Variants in ADCK1 observed in about 807,000 individuals in gnomAD.
ADCK1 encodes the protein aarF domain containing kinase 1.
A neutral mutation model predicts 52.3 loss-of-function variants in ADCK1; 41 were observed. The observed-to-expected ratio is 0.78, with a 90% CI of 0.61 to 1.02. The LOEUF is 1.02. ADCK1 is among the 50% of genes least tolerant of loss of function. The pLI, the probability that ADCK1 is intolerant of heterozygous loss-of-function variation, is 0.00. For missense variants in ADCK1, 658 were observed against 679.5 expected, an observed-to-expected ratio of 0.97 and a Z score of 0.35; for synonymous variants, 250 against 274.6, an observed-to-expected ratio of 0.91 and a Z score of 0.89.
chr14:77,830,659 GGACAGTGGGTA>G (rs1260083017), intron 3 of ADCK1, among the ~76,000 whole-genome samples: 5 of 142,010 alleles, frequency 3.5e-5, no homozygotes, highest in Admixed American at 1.4e-4. Context: ...CTTCTGTGTT[GGACAGTGGGTA>G]GAAGTGTGTG....
chr14:77,887,951 CTTAGT>C (rs759332683), intron 5 of ADCK1, among the ~76,000 whole-genome samples: 40 of 152,236 alleles, frequency 2.6e-4, no homozygotes, highest in African/African-American at 8.7e-4. Flanking sequence ...ACTCTGGACT[CTTAGT>C]TTATTCTTTC....
intron 4 of ADCK1, among the ~76,000 whole-genome samples, chr14:77,878,510 C>A (rs573010727): frequency 2.6e-5 from 4 of 152,214 alleles, no homozygotes; most frequent in Non-Finnish European, 5.9e-5. Flanking sequence ...GCTTGCAGTG[C>A]TGGGTGCAGG....
chr14:77,898,999 A>T (rs2083471113), intron 5 of ADCK1, 101 bp from the exon 6 acceptor site: 19 of 1,485,140 alleles, frequency 1.3e-5, no homozygotes, highest in Middle Eastern at 2.5e-4. Flanking sequence ...GCCCCAGGGG[A>T]GCAGTTTCCC....
rs1450000693 is a variant in ADCK1, at chr14:77,931,575, A to C, written c.1264A>C (p.Asn422His). 1 of 1,614,044 alleles carries C rather than the reference A, an allele frequency of 6.2e-7. No homozygotes were observed. Among genetic ancestry groups the C allele is most frequent in the South Asian group, 1.1e-5 (1 of 91,082 alleles). Residue 422 changes from asparagine (N) to histidine (H), a missense_variant, in exon 10 of 11, where the codon AAC becomes CAC. By Grantham distance (68) the Asn-to-His change is moderately conservative. Coordinates refer to ENST00000238561, the MANE Select transcript of ADCK1 (RefSeq NM_020421.4). The part of the protein sequence containing the change: ...NYLPQISHLL[N>H]HVPRQMLLIL... Reference sequence around the variant, plus strand: ...CCTCCCCCAGATCAGCCATCTCCTCAACCACGTGCCGCGCCAGATGCTGCT... The same window carrying C: ...CCTCCCCCAGATCAGCCATCTCCTCCACCACGTGCCGCGCCAGATGCTGCT...
intron 1 of ADCK1, among the ~76,000 whole-genome samples, chr14:77,803,509 C>G (rs1346780650): frequency 6.6e-6 from 1 of 152,136 alleles, no homozygotes; most frequent in African/African-American, 2.4e-5. Context: ...CATCAGCTTC[C>G]CATTTGTACG....
Position 77,933,423 on chromosome 14 carries a change from T to A in ADCK1, c.*32T>A. 1 of 1,608,258 alleles carries A rather than the reference T, an allele frequency of 6.2e-7. No homozygotes were observed. Among genetic ancestry groups the A allele is most frequent in the Non-Finnish European group, 8.5e-7 (1 of 1,175,830 alleles). On this transcript the variant is annotated 3_prime_UTR_variant, in exon 11 of 11. Coordinates refer to ENST00000238561, the MANE Select transcript of ADCK1 (RefSeq NM_020421.4). ...TTGCTCTCCCTGCCCCATTCTGGTG[T>A]CTTTCCACTCCTCAGCCCCTCATCT...
At chr14:77,842,237 A>G (rs933435595) in intron 3 of ADCK1, among the ~76,000 whole-genome samples, 1 of 152,126 alleles carries the variant, frequency 6.6e-6, no homozygotes, top group Non-Finnish European at 1.5e-5. Flanking sequence ...ATCTCTAAAA[A>G]CTGATATTTT....
At chr14:77,928,298 G>C (rs1329353627) in intron 9 of ADCK1, among the ~76,000 whole-genome samples, 1 of 152,116 alleles carries the variant, frequency 6.6e-6, no homozygotes, top group African/African-American at 2.4e-5. Flanking sequence ...GATGTCATGG[G>C]CAGCTAAGAC....
In ADCK1 at chr14:77,827,016, A is replaced by G. The variant is rs185901813; in HGVS notation, c.219+4498A>G. On this transcript the variant is annotated intron_variant, in intron 3 of 10. Transcript: ENST00000238561. ...GCTGTTGGCAGCCATCTTTGCCACC[A>G]TGAGGGGAAAGCCTGTCTGTGAATG... Among the ~76,000 whole-genome samples, 386 of 152,264 alleles carry G rather than the reference A, an allele frequency of 2.5e-3. 1 individual carries two copies. Among genetic ancestry groups the G allele is most frequent in the South Asian group, 5.4e-3 (26 of 4,820 alleles).
At chr14:77,854,667 G>A (rs1455049149) in intron 3 of ADCK1, among the ~76,000 whole-genome samples, 1 of 147,994 alleles carries the variant, frequency 6.8e-6, no homozygotes, top group Non-Finnish European at 1.5e-5. Flanking sequence ...AGTGATTCTT[G>A]TGCCTCAGGC....
intron 3 of ADCK1, among the ~76,000 whole-genome samples, chr14:77,837,689 G>A (rs1265739000): frequency 1.3e-5 from 2 of 152,200 alleles, no homozygotes; most frequent in Non-Finnish European, 2.9e-5. Flanking sequence ...ATACAGCATG[G>A]GGTTCTGTGT....
chr14:77,802,689 G>A (rs570795026), intron 1 of ADCK1, among the ~76,000 whole-genome samples: 2 of 152,228 alleles, frequency 1.3e-5, no homozygotes, highest in African/African-American at 2.4e-5. Context: ...GGTGGCTCAC[G>A]CCTGTAATCC....
chr14:77,838,621 C>T (rs2082006642), intron 3 of ADCK1, among the ~76,000 whole-genome samples: 1 of 152,168 alleles, frequency 6.6e-6, no homozygotes. Context: ...TGGTCTCGAA[C>T]TCCTGGGCTC....
At chr14:77,810,907 C>G (rs2081327594) in intron 1 of ADCK1, among the ~76,000 whole-genome samples, 1 of 151,954 alleles carries the variant, frequency 6.6e-6, no homozygotes, top group Non-Finnish European at 1.5e-5. Flanking sequence ...CAGGAAGGGT[C>G]CCTGGATCAC....
chr14:77,856,488 G>A lies in ADCK1; in HGVS notation c.220-2588G>A, dbSNP rs558227355. On this transcript the variant is annotated intron_variant, in intron 3 of 10. Coordinates refer to ENST00000238561, the MANE Select transcript of ADCK1 (RefSeq NM_020421.4). ...TAAGCCCCATTGGAGATATTGCCCA[G>A]TTCTGAAGGGGAGTCCCATGGATTC... Among the ~76,000 whole-genome samples the A allele has an allele frequency of 2.0e-5, 3 of 152,246 alleles. No homozygotes were observed. The South Asian group carries it at 6.2e-4, about 32-fold the overall frequency.
intron 10 of ADCK1, 92 bp downstream of exon 10, chr14:77,931,803 C>T (rs961108696): frequency 9.6e-6 from 13 of 1,358,408 alleles, no homozygotes; most frequent in Non-Finnish European, 1.2e-5. Flanking sequence ...CACCAGTCTA[C>T]AGGGCCCTGC....
At position 77,883,101 on chromosome 14, in the gene ADCK1, G is replaced by A. The variant is rs149340194; in HGVS notation, c.424-3990G>A. On this transcript the variant is annotated intron_variant, in intron 4 of 10. Transcript: ENST00000238561. ...GATTATTTTTCCTTTTCCAGACAGG[G>A]ACATCGATATATTTGAATCACGGGC... Among the ~76,000 whole-genome samples the A allele has an allele frequency of 5.9e-5, 9 of 152,046 alleles. No homozygotes were observed. The East Asian group carries it at 1.7e-3, about 29-fold the overall frequency.
At chr14:77,877,762 G>A (rs1698831443) in intron 4 of ADCK1, among the ~76,000 whole-genome samples, 1 of 152,172 alleles carries the variant, frequency 6.6e-6, no homozygotes, top group African/African-American at 2.4e-5. Flanking sequence ...GTGCCACGAT[G>A]CCTGATTAGT....
chr14:77,852,897 ATATATATATATT>A (rs1566667841), intron 3 of ADCK1, among the ~76,000 whole-genome samples: 77 of 34,694 alleles, frequency 2.2e-3, no homozygotes, highest in South Asian at 4.0e-3. Flanking sequence ...ATATATATAT[ATATATATATATT>A]TTTTTTTTTT....
Sources: allele counts gnomAD v4.1 joint callset (sites outside exome capture counted in the v4.1 genomes callset), GRCh38; gene constraint gnomAD v4.1.1; transcripts MANE v1.5; gene names NCBI Gene and HGNC (gene_info 2026-07-23, HGNC 2026-07-21).